The following CDH12 variants were observed in gnomAD, a reference collection of about 807,000 sequenced individuals.
CDH12 encodes cadherin 12.
In CDH12, 41 loss-of-function variants were observed where a neutral mutation model predicts 74.1. That is an observed-to-expected ratio of 0.55 (90% CI 0.43 to 0.72). CDH12 has a LOEUF of 0.72. Ranked by LOEUF, CDH12 falls within the 30% of genes least tolerant of loss-of-function variation. The pLI is 0.00. For missense variants in CDH12, 945 were observed against 977.2 expected (o/e 0.97, Z 0.44); for synonymous variants, 399 against 355.0 (o/e 1.12, Z -1.39).
intron 9 of CDH12, among the ~76,000 whole-genome samples, chr5:21,803,384 T>C (rs960782268): frequency 2.0e-5 from 3 of 152,120 alleles, no homozygotes; most frequent in African/African-American, 7.2e-5. Flanking sequence ...ATGGGCGCGG[T>C]AACACATCAT....
intron 4 of CDH12, among the ~76,000 whole-genome samples, chr5:22,091,394 G>A (rs1361683146): frequency 6.6e-6 from 1 of 150,568 alleles, no homozygotes; most frequent in Admixed American, 6.7e-5. Flanking sequence ...ACACTGAAAT[G>A]TCATTAAAAT....
In CDH12 at chr5:21,751,763, T is replaced by G; in HGVS notation, c.2359A>C (p.Ser787Arg). 6.2e-7 allele frequency: 1 copy of G among 1,613,874 alleles called. No homozygotes were observed. Among genetic ancestry groups the G allele is most frequent in the Non-Finnish European group, 8.5e-7 (1 of 1,179,920 alleles). ...VLADMFGEEE[S>R]YNPDKVT is the part of the protein sequence containing the mutation. Reference sequence around the variant, plus strand: ...TAAGTGACTTTATCAGGGTTATAACTCTCTTCTTCGCCAAACATGTCTGCC... The same window carrying G: ...TAAGTGACTTTATCAGGGTTATAACGCTCTTCTTCGCCAAACATGTCTGCC... Residue 787 changes from serine (S) to arginine (R), a missense_variant, in exon 15 of 15, where the codon AGT becomes CGT. By Grantham distance (110) the Ser-to-Arg change is moderately radical. Around this residue, in one of 3 missense-constraint regions of CDH12, gnomAD observed 791 missense variants for 792.8 expected, o/e 1.00. Coordinates refer to ENST00000382254, the MANE Select transcript of CDH12 (RefSeq NM_004061.5).
chr5:22,841,241 G>A (rs2126522584), intron 1 of CDH12, among the ~76,000 whole-genome samples: 1 of 152,256 alleles, frequency 6.6e-6, no homozygotes, highest in Admixed American at 6.5e-5. Flanking sequence ...CACATACTGT[G>A]GATGTAGAGA....
At chr5:22,798,138 G>C (rs1748325034) in intron 1 of CDH12, among the ~76,000 whole-genome samples, 1 of 152,008 alleles carries the variant, frequency 6.6e-6, no homozygotes, top group Admixed American at 6.6e-5. Flanking sequence ...AATCCCACAG[G>C]TTGTCCTCAG....
intron 6 of CDH12, among the ~76,000 whole-genome samples, chr5:21,858,905 T>A (rs567393968): frequency 8.6e-5 from 13 of 151,974 alleles, no homozygotes; most frequent in Non-Finnish European, 1.9e-4. Flanking sequence ...TTTTGAAATA[T>A]GTATACATTG....
chr5:21,972,248 A>G (rs1402446284), intron 6 of CDH12, among the ~76,000 whole-genome samples: 1 of 152,134 alleles, frequency 6.6e-6, no homozygotes, highest in Non-Finnish European at 1.5e-5. Context: ...TAATTGATTA[A>G]TTCTTCCCTT....
At chr5:22,726,181 T>A (rs542883010) in intron 1 of CDH12, among the ~76,000 whole-genome samples, 2 of 151,936 alleles carry the variant, frequency 1.3e-5, no homozygotes, top group South Asian at 4.1e-4. Context: ...TTCGAAATGC[T>A]CTGTTCTCCA....
chr5:21,948,230 A>G (rs1755666630), intron 6 of CDH12, among the ~76,000 whole-genome samples: 2 of 152,168 alleles, frequency 1.3e-5, no homozygotes, highest in Non-Finnish European at 2.9e-5. Context: ...ACTGTTCTCC[A>G]GACCCCTGAA....
intron 1 of CDH12, among the ~76,000 whole-genome samples, chr5:22,785,999 A>C (rs1019418394): frequency 5.3e-5 from 8 of 152,176 alleles, no homozygotes; most frequent in Non-Finnish European, 1.0e-4. Context: ...GTTTTATCAC[A>C]AAGAAACATA....
At chr5:22,687,081 G>T (rs961554014) in intron 1 of CDH12, among the ~76,000 whole-genome samples, 6 of 152,040 alleles carry the variant, frequency 3.9e-5, no homozygotes, top group African/African-American at 1.4e-4. Context: ...GGATCACGAC[G>T]TCAGAAGATC....
chr5:22,214,279 C>G (rs577828333), intron 3 of CDH12, among the ~76,000 whole-genome samples: 75 of 152,162 alleles, frequency 4.9e-4, no homozygotes, highest in Middle Eastern at 3.4e-3. Flanking sequence ...GTCTCTTGCT[C>G]CCTCAGCTGG....
intron 4 of CDH12, among the ~76,000 whole-genome samples, chr5:22,089,480 AAAGG>A (rs1318075319): frequency 6.6e-6 from 1 of 152,196 alleles, no homozygotes; most frequent in Non-Finnish European, 1.5e-5. Context: ...ATAAAGAATT[AAAGG>A]AAGGAAGACA....
intron 1 of CDH12, among the ~76,000 whole-genome samples, chr5:22,691,951 C>A (rs368520039): frequency 6.6e-6 from 1 of 152,120 alleles, no homozygotes; most frequent in Non-Finnish European, 1.5e-5. Flanking sequence ...CTTTAACTCT[C>A]CCATTAACAT....
At chr5:22,250,073 T>A (rs1447131493) in intron 3 of CDH12, among the ~76,000 whole-genome samples, 2 of 152,204 alleles carry the variant, frequency 1.3e-5, no homozygotes, top group East Asian at 3.9e-4. Context: ...TGAACAGAAT[T>A]TTTAAAGACT....
intron 11 of CDH12, among the ~76,000 whole-genome samples, chr5:21,766,856 A>T (rs1274952148): frequency 6.6e-6 from 1 of 151,912 alleles, no homozygotes; most frequent in Non-Finnish European, 1.5e-5. Context: ...CAACTATGAT[A>T]TAGGCATTAT....
chr5:22,617,005 G>A (rs1159150052), intron 1 of CDH12, among the ~76,000 whole-genome samples: 2 of 151,954 alleles, frequency 1.3e-5, no homozygotes, highest in African/African-American at 4.8e-5. Context: ...GCCGGGACTA[G>A]AGGTGTGTGC....
intron 10 of CDH12, among the ~76,000 whole-genome samples, chr5:21,785,983 G>C (rs746464108): frequency 6.6e-6 from 1 of 152,140 alleles, no homozygotes; most frequent in Non-Finnish European, 1.5e-5. Context: ...AAAACAGCCT[G>C]ACTCTCTTAG....
At chr5:22,369,102 CT>C (rs1289360892) in intron 3 of CDH12, among the ~76,000 whole-genome samples, 4 of 152,158 alleles carry the variant, frequency 2.6e-5, no homozygotes, top group African/African-American at 9.6e-5. Flanking sequence ...GCACTCCAGC[CT>C]GGGCCACAGA....
chr5:21,957,042 T>C (rs1756132751), intron 6 of CDH12, among the ~76,000 whole-genome samples: 1 of 152,098 alleles, frequency 6.6e-6, no homozygotes, highest in Admixed American at 6.6e-5. Context: ...ACAATTATTT[T>C]TCCTGCTCCT....
Sources: gnomAD v4.1 joint callset for allele counts (sites outside exome capture counted in the v4.1 genomes callset) on GRCh38, gnomAD v4.1.1 for gene constraint, gnomAD v4.1.1 regional missense constraint, MANE v1.5 for transcripts, NCBI Gene and HGNC (gene_info 2026-07-23, HGNC 2026-07-21) for gene names.